The following BRINP3 variants were observed in gnomAD, a reference collection of about 807,000 sequenced individuals.
BRINP3 encodes BMP/retinoic acid-inducible neural-specific protein 3.
In BRINP3, 19 loss-of-function variants were observed where a neutral mutation model predicts 71.0. The observed-to-expected ratio is 0.27, with a 90% CI of 0.19 to 0.39. The LOEUF is 0.39. BRINP3 is among the 10% of genes least tolerant of loss of function. The pLI, the probability that BRINP3 is intolerant of heterozygous loss-of-function variation, is 1.00. For missense variants in BRINP3, 959 were observed against 940.8 expected, an observed-to-expected ratio of 1.02 and a Z score of -0.25; for synonymous variants, 380 against 337.7, an observed-to-expected ratio of 1.13 and a Z score of -1.37.
At chr1:190,411,574 T>C (rs974630903) in intron 2 of BRINP3, among the ~76,000 whole-genome samples, 1 of 152,156 alleles carries the variant, frequency 6.6e-6, no homozygotes, top group African/African-American at 2.4e-5. Context: ...TAAATTGAAT[T>C]TTTTTAAATT....
intron 4 of BRINP3, among the ~76,000 whole-genome samples, chr1:190,240,383 A>C (rs1293156283): frequency 6.6e-6 from 1 of 152,088 alleles, no homozygotes; most frequent in African/African-American, 2.4e-5. Flanking sequence ...TATATTCAAA[A>C]CACAAATCCT....
intron 4 of BRINP3, among the ~76,000 whole-genome samples, chr1:190,251,070 A>T (rs1394483557): frequency 6.6e-6 from 1 of 151,534 alleles, no homozygotes; most frequent in Non-Finnish European, 1.5e-5. Context: ...TAATAACAAC[A>T]ACAATAATAA....
chr1:190,433,209 A>G (rs1002358092), intron 2 of BRINP3, among the ~76,000 whole-genome samples: 1 of 152,142 alleles, frequency 6.6e-6, no homozygotes, highest in Non-Finnish European at 1.5e-5. Context: ...TCTTTCTGCT[A>G]TTATTTGCTC....
intron 2 of BRINP3, among the ~76,000 whole-genome samples, chr1:190,423,127 G>T (rs757959644): frequency 6.6e-6 from 1 of 151,590 alleles, no homozygotes; most frequent in Non-Finnish European, 1.5e-5. Context: ...TTATGTTTAC[G>T]TGTATTCCAG....
At chr1:190,356,633 T>A (rs1668750899) in intron 2 of BRINP3, among the ~76,000 whole-genome samples, 1 of 151,976 alleles carries the variant, frequency 6.6e-6, no homozygotes, top group African/African-American at 2.4e-5. Context: ...CCTCTCTTTT[T>A]CATATTTTGA....
chr1:190,139,175 G>A (rs1410577841), intron 7 of BRINP3, among the ~76,000 whole-genome samples: 1 of 151,718 alleles, frequency 6.6e-6, no homozygotes, highest in East Asian at 1.9e-4. Context: ...TCGGCCCGGA[G>A]CCGTGGCTCA....
intron 1 of BRINP3, among the ~76,000 whole-genome samples, chr1:190,460,550 T>C (rs552412861): frequency 4.6e-5 from 7 of 152,278 alleles, no homozygotes; most frequent in Non-Finnish European, 7.4e-5. Context: ...ATAAATCTTA[T>C]TGATCAATTG....
At chr1:190,328,732 A>AG (rs1156601690) in intron 2 of BRINP3, among the ~76,000 whole-genome samples, 1 of 151,782 alleles carries the variant, frequency 6.6e-6, no homozygotes, top group East Asian at 1.9e-4. Context: ...AAAAAAAAAA[A>AG]AAAAATACAG....
intron 7 of BRINP3, among the ~76,000 whole-genome samples, chr1:190,102,690 T>G (rs1032848418): frequency 2.0e-5 from 3 of 151,980 alleles, no homozygotes; most frequent in Admixed American, 2.0e-4. Flanking sequence ...CTACAGATTA[T>G]GGAGGAACAG....
intron 1 of BRINP3, among the ~76,000 whole-genome samples, chr1:190,470,422 A>G (rs926554910): frequency 3.3e-5 from 5 of 151,104 alleles, no homozygotes; most frequent in African/African-American, 1.2e-4. Context: ...AATTTGCTGG[A>G]ACTATAATAT....
At chr1:190,203,753 ATATATATATATATATATATATATATATAT>A (rs1655226465) in intron 6 of BRINP3, among the ~76,000 whole-genome samples, 26 of 5,362 alleles carry the variant, frequency 4.8e-3, no homozygotes, top group African/African-American at 0.013. Context: ...TAAAGAAAAT[ATATATATATATATATATATATATATATAT>A]ATATATATAT....
At chr1:190,401,709 A>T (rs1357955640) in intron 2 of BRINP3, among the ~76,000 whole-genome samples, 2 of 152,010 alleles carry the variant, frequency 1.3e-5, no homozygotes, top group East Asian at 1.9e-4. Flanking sequence ...ATTTCTGTTA[A>T]TTACTGTAAA....
chr1:190,199,819 A>AT (rs1307432052), intron 6 of BRINP3, among the ~76,000 whole-genome samples: 1 of 151,580 alleles, frequency 6.6e-6, no homozygotes, highest in African/African-American at 2.4e-5. Context: ...AAACCTAACC[A>AT]TTTTTCTTTT....
intron 2 of BRINP3, among the ~76,000 whole-genome samples, chr1:190,314,976 T>C (rs1048153926): frequency 6.6e-6 from 1 of 152,148 alleles, no homozygotes; most frequent in East Asian, 1.9e-4. Context: ...GGGGCTAAAA[T>C]AGAAGTTAAA....
intron 6 of BRINP3, among the ~76,000 whole-genome samples, chr1:190,164,029 C>T (rs1392796510): frequency 6.6e-6 from 1 of 152,050 alleles, no homozygotes; most frequent in East Asian, 1.9e-4. Flanking sequence ...ATGTCTTTGG[C>T]ATTTATTTCC....
At chr1:190,454,049 C>T (rs1301300061) in intron 2 of BRINP3, among the ~76,000 whole-genome samples, 1 of 152,168 alleles carries the variant, frequency 6.6e-6, no homozygotes, top group Admixed American at 6.5e-5. Context: ...TAATATATTA[C>T]TCTTTTTGTG....
intron 2 of BRINP3, among the ~76,000 whole-genome samples, chr1:190,390,367 A>G (rs545093718): frequency 2.0e-5 from 3 of 151,786 alleles, no homozygotes; most frequent in Non-Finnish European, 2.9e-5. Flanking sequence ...GACAATGTCT[A>G]AGACATGACC....
rs928851534 is a variant in BRINP3 at position 190,170,522 on chromosome 1, A to C, written c.962-9632T>G. On this transcript the variant is annotated intron_variant, in intron 6 of 7. Transcript: ENST00000367462. The stretch of plus-strand genomic sequence containing the variant: ...TTAGAGCTTAGTCATATAAAACGTG[A>C]AGCCATTTTTTTATATCTTATGACC... 2.6e-5 allele frequency among the ~76,000 whole-genome samples: 4 copies of C among 152,132 alleles called. No homozygotes were observed. The South Asian group carries it at 8.3e-4, about 31-fold the overall frequency.
chr1:190,346,263 A>C (rs559286810), intron 2 of BRINP3, among the ~76,000 whole-genome samples: 7 of 152,070 alleles, frequency 4.6e-5, no homozygotes, highest in Non-Finnish European at 7.4e-5. Context: ...ATATATAATC[A>C]AAAAAGTGAA....
Sources: gnomAD v4.1 joint callset for allele counts (sites outside exome capture counted in the v4.1 genomes callset) on GRCh38, gnomAD v4.1.1 for gene constraint, MANE v1.5 for transcripts, NCBI Gene and HGNC (gene_info 2026-07-23, HGNC 2026-07-21) for gene names.